The following CSMD1 variants were observed in gnomAD, a reference collection of about 807,000 sequenced individuals.
CSMD1 encodes CUB and sushi domain-containing protein 1.
CSMD1 carries 213 observed loss-of-function variants against 417.5 expected under a neutral mutation model. The ratio of observed to expected loss-of-function variants is 0.51; its 90% CI spans 0.46 to 0.57. The LOEUF is 0.57. CSMD1 is among the 20% of genes least tolerant of loss of function. The pLI is 0.00. For missense variants in CSMD1, 6,923 were observed against 4,529.7 expected (o/e 1.53, Z -15.17); for synonymous variants, 2,862 against 1,736.8 (o/e 1.65, Z -16.11).
intron 5 of CSMD1, among the ~76,000 whole-genome samples, chr8:3,856,016 A>G (rs1254775031): frequency 1.3e-5 from 2 of 152,080 alleles, no homozygotes; most frequent in East Asian, 1.9e-4. Context: ...TTTTATATCT[A>G]GACAAACATT....
At chr8:3,561,035 T>A (rs535509719) in intron 10 of CSMD1, among the ~76,000 whole-genome samples, 10 of 152,192 alleles carry the variant, frequency 6.6e-5, no homozygotes, top group African/African-American at 2.4e-4. Context: ...AATACACACA[T>A]GAAAAAATGC....
chr8:4,392,824 C>T lies in CSMD1; in HGVS notation c.415+27129G>A, dbSNP rs574819785. Among the ~76,000 whole-genome samples the T allele has an allele frequency of 1.7e-3, 252 of 151,670 alleles. 1 individual carries two copies. The highest frequency in any genetic ancestry group is 3.4e-3 in the Middle Eastern group (1 of 294). ...CTCTAGTAAAAATACAAATATTAGC[C>T]GGGTGTGGTGGCAGGCACCTGTAAT... is the stretch of plus-strand genomic sequence containing the variant. On this transcript the variant is annotated intron_variant, in intron 3 of 69. Coordinates refer to ENST00000635120, the MANE Select transcript of CSMD1 (RefSeq NM_033225.6).
chr8:3,037,201 C>T (rs1810741294), intron 50 of CSMD1, among the ~76,000 whole-genome samples: 2 of 142,908 alleles, frequency 1.4e-5, no homozygotes, highest in Non-Finnish European at 3.2e-5. Flanking sequence ...ATATATACCA[C>T]ACTTTCTTTT....
intron 50 of CSMD1, among the ~76,000 whole-genome samples, chr8:3,042,157 T>C (rs1811143362): frequency 6.6e-6 from 1 of 152,152 alleles, no homozygotes; most frequent in African/African-American, 2.4e-5. Context: ...CTCTCATGCA[T>C]CTGGTTAGCT....
chr8:4,710,893 G>T (rs1279668431), intron 1 of CSMD1, among the ~76,000 whole-genome samples: 2 of 151,640 alleles, frequency 1.3e-5, no homozygotes, highest in Non-Finnish European at 2.9e-5. Context: ...TGAGAAAAAA[G>T]ACTTACATAA....
chr8:3,223,780 T>A lies in CSMD1; in HGVS notation c.4433A>T (p.Asp1478Val). The A allele has an allele frequency of 6.2e-7, 1 of 1,613,906 alleles. No homozygotes were observed. Among genetic ancestry groups the A allele is most frequent in the Non-Finnish European group, 8.5e-7 (1 of 1,179,820 alleles). The change falls in exon 28 of 70, where the codon GAC (aspartate) becomes GTC (valine). Residue 1478 changes from aspartate to valine, a missense_variant. By Grantham distance (152) the Asp-to-Val change is radical. Coordinates refer to ENST00000635120, the MANE Select transcript of CSMD1 (RefSeq NM_033225.6). ...PQPYPPGKEC[D>V]WRVKVNPDFV... ...GTCCGGGTTCACTTTTACTCTCCAG[T>A]CACATTCCTTCCCAGGAGGATACGG...
intron 15 of CSMD1, among the ~76,000 whole-genome samples, chr8:3,401,034 T>A (rs941471359): frequency 6.6e-6 from 1 of 151,884 alleles, no homozygotes; most frequent in East Asian, 1.9e-4. Context: ...GAATCACATA[T>A]CGATATACAT....
intron 1 of CSMD1, among the ~76,000 whole-genome samples, chr8:4,759,031 C>T (rs141343600): frequency 5.7e-4 from 87 of 152,196 alleles, no homozygotes; most frequent in African/African-American, 2.0e-3. Context: ...GAAACAGATG[C>T]GGAGATGGAG....
intron 6 of CSMD1, among the ~76,000 whole-genome samples, chr8:3,721,403 C>A (rs903603234): frequency 3.3e-5 from 5 of 152,072 alleles, no homozygotes; most frequent in Non-Finnish European, 7.4e-5. Flanking sequence ...TAGGATCAGT[C>A]CCATGTTTCT....
chr8:3,343,703 C>G (rs1263700544), intron 22 of CSMD1, among the ~76,000 whole-genome samples: 5 of 152,128 alleles, frequency 3.3e-5, no homozygotes, highest in Non-Finnish European at 5.9e-5. Context: ...ACTTTAAGAG[C>G]TCTTTCTGTG....
chr8:4,313,456 G>A (rs11776902), intron 3 of CSMD1, among the ~76,000 whole-genome samples: 81,375 of 148,228 alleles, frequency 0.55, 24,622 homozygotes, highest in East Asian at 0.85. Context: ...CTCTGAAAAT[G>A]TTAGCAATGC....
chr8:3,597,358 G>T lies in CSMD1; in HGVS notation c.1098-11098C>A, dbSNP rs900213. On this transcript the variant is annotated intron_variant, in intron 8 of 69. Transcript: ENST00000635120. ...TCTGGTTCCAATTTCCCTCACTCTCGCTTCACTGGAATTAAACTGCCCCTA... is the reference window on the plus strand; with the variant it reads ...TCTGGTTCCAATTTCCCTCACTCTCTCTTCACTGGAATTAAACTGCCCCTA... 9.6e-4 allele frequency among the ~76,000 whole-genome samples: 143 copies of T among 148,774 alleles called. 1 individual carries two copies. Among genetic ancestry groups the T allele is most frequent in the Admixed American group, 4.9e-3 (73 of 14,856 alleles).
At chr8:3,124,872 G>T (rs1817408732) in intron 41 of CSMD1, among the ~76,000 whole-genome samples, 3 of 152,150 alleles carry the variant, frequency 2.0e-5, no homozygotes, top group Admixed American at 6.5e-5. Flanking sequence ...ATTATCTCAA[G>T]AATTTAAAAT....
At chr8:4,274,287 T>C (rs1456683779) in intron 3 of CSMD1, among the ~76,000 whole-genome samples, 4 of 152,162 alleles carry the variant, frequency 2.6e-5, no homozygotes, top group Non-Finnish European at 5.9e-5. Flanking sequence ...ATCAGGCTTA[T>C]AACGTGAAGT....
At chr8:3,989,939 T>C (rs183520338) in intron 5 of CSMD1, among the ~76,000 whole-genome samples, 15 of 152,304 alleles carry the variant, frequency 9.8e-5, no homozygotes, top group Admixed American at 9.1e-4. Context: ...AAAAATTAGA[T>C]ATTCATGGCT....
rs138411588 is a variant in CSMD1 at position 3,638,459 on chromosome 8, C to A, written c.1010-21662G>T. Among the ~76,000 whole-genome samples, 32 of 152,086 alleles carry A rather than the reference C, an allele frequency of 2.1e-4. 1 individual carries two copies. The highest frequency in any genetic ancestry group is 7.7e-4 in the African/African-American group (32 of 41,484). On this transcript the variant is annotated intron_variant, in intron 7 of 69. Transcript: ENST00000635120. ...CACCCCTCCAAAAAAAAAAACACTGCCTCTGAAATTCTGAAACCTGGAGAC... is the reference window on the plus strand; with the variant it reads ...CACCCCTCCAAAAAAAAAAACACTGACTCTGAAATTCTGAAACCTGGAGAC...
At chr8:3,898,633 T>A (rs919695604) in intron 5 of CSMD1, among the ~76,000 whole-genome samples, 5 of 152,216 alleles carry the variant, frequency 3.3e-5, no homozygotes, top group Admixed American at 1.3e-4. Flanking sequence ...GGTGCACCTA[T>A]CACTCATTTT....
chr8:4,120,248 C>A (rs13270980), intron 3 of CSMD1, among the ~76,000 whole-genome samples: 150,667 of 152,302 alleles, frequency 0.99, 74,550 homozygotes, highest in East Asian at 1. Flanking sequence ...ACTCCTGGGG[C>A]ATAAAAAGGA....
chr8:4,830,805 G>T (rs1277663248), intron 1 of CSMD1, among the ~76,000 whole-genome samples: 1 of 152,166 alleles, frequency 6.6e-6, no homozygotes, highest in African/African-American at 2.4e-5. Flanking sequence ...CTACTGTGAG[G>T]TTAATGTGGA....
Sources: gnomAD v4.1 joint callset for allele counts (sites outside exome capture counted in the v4.1 genomes callset) on GRCh38, gnomAD v4.1.1 for gene constraint, MANE v1.5 for transcripts, NCBI Gene and HGNC (gene_info 2026-07-23, HGNC 2026-07-21) for gene names.